Variants in ELMO1 observed in about 807,000 individuals in gnomAD.
The protein encoded by ELMO1 is engulfment and cell motility protein 1.
Under a neutral mutation model 98.9 loss-of-function variants are expected in ELMO1, and 26 were observed. The observed-to-expected ratio is 0.26, with a 90% CI of 0.19 to 0.36. The LOEUF (loss-of-function observed/expected upper bound fraction) is 0.36, where lower values mean the gene tolerates loss of function less well. Among genes scored for constraint, ELMO1 ranks in the 10% least tolerant of loss-of-function variants. The pLI, the probability that ELMO1 is intolerant of heterozygous loss-of-function variation, is 1.00. For missense variants in ELMO1, 627 were observed against 935.2 expected (o/e 0.67, Z 4.30); for synonymous variants, 346 against 346.0 (o/e 1.00, Z 0.00).
chr7:37,159,048 A>AC (rs752622140), intron 13 of ELMO1, among the ~76,000 whole-genome samples: 3 of 152,170 alleles, frequency 2.0e-5, no homozygotes, highest in Non-Finnish European at 4.4e-5. Flanking sequence ...CAAAATTATC[A>AC]CAAGGACAGA....
intron 5 of ELMO1, among the ~76,000 whole-genome samples, chr7:37,261,564 C>T (rs765326179): frequency 6.6e-6 from 1 of 152,112 alleles, no homozygotes; most frequent in East Asian, 1.9e-4. Flanking sequence ...GATGCTGCAT[C>T]TCTCCGTGAT....
At chr7:37,318,829 G>A (rs1282518229) in intron 2 of ELMO1, among the ~76,000 whole-genome samples, 3 of 152,144 alleles carry the variant, frequency 2.0e-5, no homozygotes, top group Non-Finnish European at 2.9e-5. Flanking sequence ...CCTTTTCACC[G>A]GTCTTACTTT....
chr7:37,161,563 T>C (rs1332793157), intron 13 of ELMO1, among the ~76,000 whole-genome samples: 2 of 152,154 alleles, frequency 1.3e-5, no homozygotes, highest in South Asian at 2.1e-4. Flanking sequence ...GTTCTATTTA[T>C]GAAGATTTCT....
intron 18 of ELMO1, among the ~76,000 whole-genome samples, chr7:36,884,775 G>A (rs1804792668): frequency 6.6e-6 from 1 of 152,186 alleles, no homozygotes; most frequent in African/African-American, 2.4e-5. Flanking sequence ...TCACTTTCCA[G>A]TTCTGTGGAG....
At chr7:36,963,122 C>A (rs189614773) in intron 16 of ELMO1, among the ~76,000 whole-genome samples, 1 of 152,088 alleles carries the variant, frequency 6.6e-6, no homozygotes, top group Non-Finnish European at 1.5e-5. Context: ...TGGTGGCTCA[C>A]GCCTGTAATC....
At chr7:37,054,200 A>C (rs537813467) in intron 15 of ELMO1, among the ~76,000 whole-genome samples, 1 of 152,380 alleles carries the variant, frequency 6.6e-6, no homozygotes, top group South Asian at 2.1e-4. Context: ...AATTAAATTT[A>C]GTATACCTAA....
At chr7:37,028,879 G>C (rs1206745530) in intron 15 of ELMO1, among the ~76,000 whole-genome samples, 1 of 152,146 alleles carries the variant, frequency 6.6e-6, no homozygotes, top group Non-Finnish European at 1.5e-5. Flanking sequence ...AGAAAATCAA[G>C]CTAATCAGAC....
chr7:36,862,215 A>G (rs1802695505), intron 20 of ELMO1: 1 of 169,706 alleles, frequency 5.9e-6, no homozygotes, highest in African/African-American at 2.4e-5. Context: ...AGAGAGGCCC[A>G]CAGAGGTATG....
intron 15 of ELMO1, among the ~76,000 whole-genome samples, chr7:37,075,942 TC>T (rs1327420997): frequency 6.6e-6 from 1 of 152,230 alleles, no homozygotes; most frequent in African/African-American, 2.4e-5. Flanking sequence ...GTAAGTAATT[TC>T]AAGGTGAATT....
intron 15 of ELMO1, among the ~76,000 whole-genome samples, chr7:37,060,346 T>G (rs1463149970): frequency 8.5e-5 from 13 of 152,200 alleles, no homozygotes; most frequent in Admixed American, 8.5e-4. Context: ...AATGAAATCA[T>G]GTCCTTTGCA....
chr7:37,398,384 A>G (rs560483804), intron 1 of ELMO1, among the ~76,000 whole-genome samples: 2 of 152,328 alleles, frequency 1.3e-5, no homozygotes, highest in South Asian at 2.1e-4. Flanking sequence ...TAAACATTCA[A>G]TTAATCACTG....
intron 13 of ELMO1, among the ~76,000 whole-genome samples, chr7:37,207,279 G>A (rs550559484): frequency 3.9e-5 from 6 of 152,190 alleles, no homozygotes; most frequent in Non-Finnish European, 7.3e-5. Flanking sequence ...GGCAGGGCAC[G>A]GTGGCTCACG....
chr7:36,912,374 T>C (rs1784400336), intron 16 of ELMO1, among the ~76,000 whole-genome samples: 1 of 152,182 alleles, frequency 6.6e-6, no homozygotes, highest in Admixed American at 6.5e-5. Flanking sequence ...ATGCTTAGGA[T>C]GGCACACCTA....
intron 4 of ELMO1, among the ~76,000 whole-genome samples, chr7:37,285,827 C>A (rs1289826715): frequency 6.6e-6 from 1 of 152,122 alleles, no homozygotes; most frequent in African/African-American, 2.4e-5. Flanking sequence ...CGTTGAACAG[C>A]CTTATTTTTC....
chr7:37,364,949 G>A (rs749076401), intron 1 of ELMO1, among the ~76,000 whole-genome samples: 11 of 152,152 alleles, frequency 7.2e-5, no homozygotes, highest in Non-Finnish European at 1.2e-4. Flanking sequence ...TTTGACAGTC[G>A]TGAATGACTG....
At chr7:37,280,062 AC>A (rs201709392) in intron 4 of ELMO1, among the ~76,000 whole-genome samples, 3 of 151,502 alleles carry the variant, frequency 2.0e-5, no homozygotes, top group African/African-American at 2.4e-5. Flanking sequence ...CTTATAACCA[AC>A]TGATCTTCGA....
chr7:37,020,279 T>C (rs1215277786), intron 15 of ELMO1, among the ~76,000 whole-genome samples: 1 of 152,196 alleles, frequency 6.6e-6, no homozygotes, highest in Non-Finnish European at 1.5e-5. Context: ...CCAAAGCCCA[T>C]CCAAAATTGT....
intron 4 of ELMO1, among the ~76,000 whole-genome samples, chr7:37,301,014 G>T (rs1286143017): frequency 6.6e-6 from 1 of 151,768 alleles, no homozygotes; most frequent in African/African-American, 2.4e-5. Flanking sequence ...TATGTGTCGA[G>T]GAATTTATCC....
rs370693225 is a variant in ELMO1 at position 36,870,409 on chromosome 7, G to A, written c.1889C>T (p.Ala630Val). 1.5e-5 allele frequency: 24 copies of A among 1,613,880 alleles called. No homozygotes were observed. Among genetic ancestry groups the A allele is most frequent in the Non-Finnish European group, 1.9e-5 (23 of 1,179,970 alleles). The change falls in exon 20 of 22, where the codon GCC (alanine) becomes GTC (valine). Residue 630 changes from alanine to valine, a missense_variant. By Grantham distance (64) the Ala-to-Val change is moderately conservative (BLOSUM62 0). Transcript: ENST00000310758. The surrounding 1 kb of genome is among the most constrained non-coding windows in gnomAD (Gnocchi z 4.4). ...KDCPHMKEKG[A>V]LKQNKEVLEL... ...AAATCATACCTTGTTTTGTTTAAGG[G>A]CACCTTTCTCTTTCATATGAGGGCA... is the stretch of plus-strand genomic sequence containing the variant.
Sources: gnomAD v4.1 joint callset for allele counts (sites outside exome capture counted in the v4.1 genomes callset) on GRCh38, gnomAD v4.1.1 for gene constraint, Gnocchi (gnomAD v3.1) non-coding constraint, MANE v1.5 for transcripts, NCBI Gene and HGNC (gene_info 2026-07-23, HGNC 2026-07-21) for gene names.